TRIM71: variants seen among roughly 807,000 people sequenced by gnomAD.
The protein encoded by TRIM71 is tripartite motif containing 71, also known as E3 ubiquitin-protein ligase TRIM71.
In TRIM71, 9 loss-of-function variants were observed where a neutral mutation model predicts 61.2. That is an observed-to-expected ratio of 0.15 (90% CI 0.09 to 0.26). TRIM71 has a LOEUF of 0.26. Among genes scored for constraint, TRIM71 ranks in the 10% least tolerant of loss-of-function variants. The pLI is 1.00. For missense variants in TRIM71, 998 were observed against 1,238.7 expected (o/e 0.81, Z 2.92); for synonymous variants, 645 against 553.2 (o/e 1.17, Z -2.33).
At chr3:32,820,968 A>G (rs1696120554) in intron 1 of TRIM71, among the ~76,000 whole-genome samples, 1 of 152,116 alleles carries the variant, frequency 6.6e-6, no homozygotes. Context: ...TGGCCTTTTT[A>G]TTCATTCCTG....
chr3:32,860,143 C>T (rs1364916668), intron 1 of TRIM71, among the ~76,000 whole-genome samples: 2 of 143,006 alleles, frequency 1.4e-5, no homozygotes, highest in Admixed American at 6.9e-5. Flanking sequence ...CTCTTCCCTC[C>T]CCTCTCCCCT....
chr3:32,886,019 C>T lies in TRIM71; in HGVS notation c.1106C>T (p.Ala369Val), dbSNP rs759499819. The T allele has an allele frequency of 6.2e-6, 10 of 1,613,970 alleles. No homozygotes were observed. The African/African-American group carries it at 1.1e-4, about 17-fold the overall frequency. Residue 369 changes from alanine (A) to valine (V), a missense_variant, in exon 3 of 4, where the codon GCG (alanine) becomes GTG (valine). Transcript: ENST00000383763. ...VVQSEVKAVT[A>V]RHKKALEERE... The stretch of plus-strand genomic sequence containing the variant: ...CAGTCGGAGGTCAAAGCCGTGACGG[C>T]GAGGCATAAGAAAGCCCTGGAGGAA...
At chr3:32,878,475 C>T (rs547200173) in intron 2 of TRIM71, among the ~76,000 whole-genome samples, 4 of 152,180 alleles carry the variant, frequency 2.6e-5, no homozygotes, top group South Asian at 4.2e-4. Flanking sequence ...ATTAGCCGGT[C>T]ATGGTGGCAC....
chr3:32,854,152 C>G (rs1416681968), intron 1 of TRIM71, among the ~76,000 whole-genome samples: 1 of 152,176 alleles, frequency 6.6e-6, no homozygotes, highest in African/African-American at 2.4e-5. Flanking sequence ...CCATGCCTGG[C>G]TAATTTTTTA....
At chr3:32,870,837 A>C (rs1428934457) in intron 1 of TRIM71, among the ~76,000 whole-genome samples, 2 of 151,916 alleles carry the variant, frequency 1.3e-5, no homozygotes, top group African/African-American at 4.8e-5. Context: ...TTTGTTTTGC[A>C]CTCTTAGCCC....
rs1179832580 is a variant in TRIM71 at position 32,818,539 on chromosome 3, TCACCACGCG to T, written c.464_472del (p.His155_His157del). The T allele has an allele frequency of 7.5e-7, 1 of 1,326,352 alleles. No homozygotes were observed. Among genetic ancestry groups the T allele is most frequent in the African/African-American group, 1.6e-5 (1 of 63,490 alleles). The allele number at this position is 1,326,352 out of a possible 1,614,324, so 82.2% of individuals were successfully genotyped here. On this transcript the variant is annotated inframe_deletion, in exon 1 of 4. Transcript: ENST00000383763. ...GCCACAGCAACCACCGGCACCACGCTCACCACGCGCACCCGCGCGCGTCCGCCTCCGCGC... is the reference window on the plus strand; with the variant it reads ...GCCACAGCAACCACCGGCACCACGCTCACCCGCGCGCGTCCGCCTCCGCGC...
At chr3:32,884,681 T>TA (rs927749754) in intron 2 of TRIM71, among the ~76,000 whole-genome samples, 2 of 152,052 alleles carry the variant, frequency 1.3e-5, no homozygotes, top group Non-Finnish European at 2.9e-5. Flanking sequence ...TTTTGGGTGG[T>TA]GAAAATGTTC....
chr3:32,873,280 G>C (rs1244355185), intron 1 of TRIM71, among the ~76,000 whole-genome samples: 1 of 152,188 alleles, frequency 6.6e-6, no homozygotes, highest in African/African-American at 2.4e-5. Flanking sequence ...TTGCTTGAGT[G>C]CCTGGGAGAA....
chr3:32,863,984 T>A (rs75556837), intron 1 of TRIM71, among the ~76,000 whole-genome samples: 2,581 of 152,280 alleles, frequency 0.017, 63 homozygotes, highest in East Asian at 0.12. Context: ...CGCCTGAACT[T>A]CTTGTGTGTA....
rs1043226518 is a variant in TRIM71, at chr3:32,890,725, C to T, written c.1521C>T (p.Val507=). 2 of 1,614,088 alleles carry T rather than the reference C, an allele frequency of 1.2e-6. No individual in the cohort carries two copies. Among genetic ancestry groups the T allele is most frequent in the Admixed American group, 3.3e-5 (2 of 60,018 alleles). Residue 507 remains valine (V), a synonymous_variant, in exon 4 of 4, where the codon GTC becomes GTT. Transcript: ENST00000383763. This position sits in a 1 kb window ranked among gnomAD's most constrained non-coding sequence, Gnocchi z 6.2. ...AGGGTAAGGTGGCCTCCTTCACAGT[C>T]ATTGGTTATGACCACGATGGTGAGC... The part of the protein sequence containing the change: ...ALQGKVASFT[V]IGYDHDGEPR...
chr3:32,824,643 C>T (rs1395333921), intron 1 of TRIM71, among the ~76,000 whole-genome samples: 2 of 152,184 alleles, frequency 1.3e-5, no homozygotes, highest in East Asian at 3.9e-4. Context: ...GCCATCACAC[C>T]TGGCTAATTT....
At chr3:32,827,268 C>CTTT (rs369755706) in intron 1 of TRIM71, among the ~76,000 whole-genome samples, 14 of 129,676 alleles carry the variant, frequency 1.1e-4, no homozygotes, top group African/African-American at 2.8e-4. Context: ...GGGGATAATT[C>CTTT]TTTTTTTTTT....
At chr3:32,884,589 G>A (rs1169735549) in intron 2 of TRIM71, among the ~76,000 whole-genome samples, 1 of 151,858 alleles carries the variant, frequency 6.6e-6, no homozygotes, top group Non-Finnish European at 1.5e-5. Flanking sequence ...AGACAGATCT[G>A]TAGAGAGACA....
In TRIM71 at chr3:32,897,778, CTTAT is replaced by C. The variant is rs1294957768; in HGVS notation, c.*5970_*5973del. On this transcript the variant is annotated 3_prime_UTR_variant, in exon 4 of 4. Coordinates refer to ENST00000383763, the MANE Select transcript of TRIM71 (RefSeq NM_001039111.3). ...GGACTTTAAAATTGTTCCTATGCAG[CTTAT>C]TTTATTTTTGTTTAATCAAATAAAC... 1 of 152,118 alleles carries C rather than the reference CTTAT, an allele frequency of 6.6e-6. No individual in the cohort carries two copies. Among genetic ancestry groups the C allele is most frequent in the Non-Finnish European group, 1.5e-5 (1 of 68,036 alleles). The allele number at this position is 152,118 out of a possible 1,614,324, so 9.4% of individuals were successfully genotyped here.
intron 1 of TRIM71, 79 bp from the exon 2 acceptor site, chr3:32,873,739 C>CA: frequency 7.4e-7 from 1 of 1,354,208 alleles, no homozygotes; most frequent in Non-Finnish European, 9.7e-7. Context: ...TTGTGAGAGC[C>CA]AGGGCCCTCC....
At chr3:32,851,458 AC>A (rs1287503308) in intron 1 of TRIM71, among the ~76,000 whole-genome samples, 3 of 152,136 alleles carry the variant, frequency 2.0e-5, no homozygotes, top group African/African-American at 7.2e-5. Flanking sequence ...GAACTGGCAA[AC>A]TGGAAACTTT....
chr3:32,818,645 T>A lies in TRIM71; in HGVS notation c.565T>A (p.Ser189Thr). Reference protein sequence around the residue: ...SAPGGPAASPSALLLRRPHGC... With the variant: ...SAPGGPAASPTALLLRRPHGC... Reference sequence around the variant, plus strand: ...ACCCGGCGGCCCTGCCGCTTCCCCGTCGGCGCTGCTGCTCCGCCGTCCTCA... The same window carrying A: ...ACCCGGCGGCCCTGCCGCTTCCCCGACGGCGCTGCTGCTCCGCCGTCCTCA... Residue 189 changes from serine to threonine, a missense_variant, in exon 1 of 4, where the codon TCG (serine) becomes ACG (threonine). This residue lies in a region of TRIM71 where 527 missense variants were observed against 427.8 expected (regional missense o/e 1.23). Coordinates refer to ENST00000383763, the MANE Select transcript of TRIM71 (RefSeq NM_001039111.3). 2 of 1,471,844 alleles carry A rather than the reference T, an allele frequency of 1.4e-6. No homozygotes were observed. Among genetic ancestry groups the A allele is most frequent in the Non-Finnish European group, 1.8e-6 (2 of 1,121,048 alleles). 91.2% of individuals were successfully genotyped at this position (1,471,844 alleles called of 1,614,324 possible).
At chr3:32,885,238 A>C (rs1696947633) in intron 2 of TRIM71, among the ~76,000 whole-genome samples, 1 of 152,198 alleles carries the variant, frequency 6.6e-6, no homozygotes, top group Admixed American at 6.5e-5. Flanking sequence ...CGGTATCTCA[A>C]CCATGTAATA....
chr3:32,823,379 A>C (rs1696162221), intron 1 of TRIM71, among the ~76,000 whole-genome samples: 1 of 152,218 alleles, frequency 6.6e-6, no homozygotes, highest in Non-Finnish European at 1.5e-5. Flanking sequence ...AAACTGTGCT[A>C]GTAGTATGGA....
Sources: gnomAD v4.1 joint callset for allele counts (sites outside exome capture counted in the v4.1 genomes callset) on GRCh38, gnomAD v4.1.1 for gene constraint, gnomAD v4.1.1 regional missense constraint, Gnocchi (gnomAD v3.1) non-coding constraint, MANE v1.5 for transcripts, NCBI Gene and HGNC (gene_info 2026-07-23, HGNC 2026-07-21) for gene names.